Variants in KCNAB1 observed in about 807,000 individuals in gnomAD.
The protein encoded by KCNAB1 is potassium voltage-gated channel subfamily A regulatory beta subunit 1, also known as voltage-gated potassium channel subunit beta-1.
Under a neutral mutation model 64.6 loss-of-function variants are expected in KCNAB1, and 35 were observed. The ratio of observed to expected loss-of-function variants is 0.54; its 90% CI spans 0.41 to 0.72. The LOEUF (loss-of-function observed/expected upper bound fraction) is 0.72. KCNAB1 is among the 30% of genes least tolerant of loss of function. The pLI, the probability that KCNAB1 is intolerant of heterozygous loss-of-function variation, is 0.00. For missense variants in KCNAB1, 401 were observed against 512.9 expected, an observed-to-expected ratio of 0.78 and a Z score of 2.11; for synonymous variants, 177 against 183.8, an observed-to-expected ratio of 0.96 and a Z score of 0.30.
intron 1 of KCNAB1, among the ~76,000 whole-genome samples, chr3:156,156,465 A>G (rs1489521723): frequency 6.6e-6 from 1 of 152,266 alleles, no homozygotes. Flanking sequence ...AGAAGTTACC[A>G]TAATTGCCCA....
rs1023965414 is a variant in KCNAB1 at position 156,493,899 on chromosome 3, T to C, written c.658+19079T>C. On this transcript the variant is annotated intron_variant, in intron 8 of 13. Coordinates refer to ENST00000490337, the MANE Select transcript of KCNAB1 (RefSeq NM_172160.3). ...ACATCATGCTAGAGGGTGCAGAATG[T>C]CTAGTTTTCCCATTACTGAAGATGT... 4.6e-5 allele frequency among the ~76,000 whole-genome samples: 7 copies of C among 152,284 alleles called. No homozygotes were observed. The East Asian group carries it at 1.4e-3, about 29-fold the overall frequency.
chr3:156,368,145 A>C (rs1048234464), intron 1 of KCNAB1, among the ~76,000 whole-genome samples: 4 of 152,206 alleles, frequency 2.6e-5, no homozygotes, highest in African/African-American at 9.7e-5. Context: ...ACCGTGAATA[A>C]TTTTCCAGTG....
At chr3:156,419,914 G>C (rs1715353642) in intron 1 of KCNAB1, among the ~76,000 whole-genome samples, 1 of 152,068 alleles carries the variant, frequency 6.6e-6, no homozygotes, top group South Asian at 2.1e-4. Flanking sequence ...GTAGACTTTT[G>C]GACTACCAAG....
intron 1 of KCNAB1, among the ~76,000 whole-genome samples, chr3:156,278,991 G>C (rs1047345820): frequency 2.1e-4 from 32 of 151,142 alleles, no homozygotes; most frequent in African/African-American, 7.5e-4. Context: ...ATACTTTTAA[G>C]TTTTAGGGTA....
At chr3:156,177,534 G>A (rs1398866859) in intron 1 of KCNAB1, among the ~76,000 whole-genome samples, 1 of 151,956 alleles carries the variant, frequency 6.6e-6, no homozygotes, top group Non-Finnish European at 1.5e-5. Flanking sequence ...CCGCCACCCC[G>A]CCTGGCTAAT....
intron 1 of KCNAB1, among the ~76,000 whole-genome samples, chr3:156,148,980 T>C (rs1715225208): frequency 6.6e-6 from 1 of 152,184 alleles, no homozygotes; most frequent in Non-Finnish European, 1.5e-5. Context: ...TAAATAACTC[T>C]TCAAACGATG....
intron 7 of KCNAB1, among the ~76,000 whole-genome samples, chr3:156,474,160 T>C (rs1036111632): frequency 1.3e-5 from 2 of 152,204 alleles, no homozygotes; most frequent in Non-Finnish European, 2.9e-5. Flanking sequence ...CTATATTTTA[T>C]GTTCCTTAAA....
intron 1 of KCNAB1, among the ~76,000 whole-genome samples, chr3:156,194,111 T>G (rs1449977010): frequency 2.0e-5 from 3 of 152,042 alleles, no homozygotes; most frequent in Non-Finnish European, 4.4e-5. Context: ...TTGCTATTAG[T>G]TTTATGTTAA....
At chr3:156,386,641 C>T (rs1224527580) in intron 1 of KCNAB1, among the ~76,000 whole-genome samples, 4 of 152,132 alleles carry the variant, frequency 2.6e-5, no homozygotes, top group Admixed American at 2.0e-4. Flanking sequence ...TCCTGCCCTG[C>T]TCATGCCTGT....
chr3:156,143,569 G>GTTGTTTTTTTTTTTTTTTTTTT (rs1443482013), intron 1 of KCNAB1: 3 of 281,598 alleles, frequency 1.1e-5, no homozygotes, highest in African/African-American at 8.8e-5. Context: ...TTGCATTCTT[G>GTTGTTTTTTTTTTTTTTTTTTT]TTTTTTTTTT....
intron 2 of KCNAB1, among the ~76,000 whole-genome samples, chr3:156,444,170 C>T (rs16826170): frequency 0.027 from 4,047 of 152,214 alleles, 143 homozygotes; most frequent in South Asian, 0.11. Context: ...GCTTTGTGTG[C>T]GTCATTTGAA....
chr3:156,190,218 G>C (rs1319167928), intron 1 of KCNAB1, among the ~76,000 whole-genome samples: 1 of 152,074 alleles, frequency 6.6e-6, no homozygotes, highest in Non-Finnish European at 1.5e-5. Flanking sequence ...TGCTCCCCCA[G>C]TGCCCAGGCC....
chr3:156,191,905 ACT>A (rs1713587655), intron 1 of KCNAB1, among the ~76,000 whole-genome samples: 1 of 152,100 alleles, frequency 6.6e-6, no homozygotes, highest in South Asian at 2.1e-4. Flanking sequence ...AAGGAAAAGG[ACT>A]CTGATTCTCC....
At chr3:156,423,249 C>T (rs1299846081) in intron 2 of KCNAB1, among the ~76,000 whole-genome samples, 2 of 152,106 alleles carry the variant, frequency 1.3e-5, no homozygotes, top group Non-Finnish European at 2.9e-5. Context: ...TATTTATACA[C>T]TTATGGGGAA....
At chr3:156,439,224 A>ATTTT (rs56259743) in intron 2 of KCNAB1, among the ~76,000 whole-genome samples, 2 of 115,116 alleles carry the variant, frequency 1.7e-5, no homozygotes, top group Non-Finnish European at 3.5e-5. Flanking sequence ...CATCATTGTG[A>ATTTT]TTTTTTTTTT....
chr3:156,166,836 AT>A (rs1313167432), intron 1 of KCNAB1, among the ~76,000 whole-genome samples: 1 of 152,190 alleles, frequency 6.6e-6, no homozygotes, highest in Admixed American at 6.5e-5. Context: ...TTCTAATAAA[AT>A]TCTCCTAGAT....
chr3:156,413,534 A>G (rs1714831221), intron 1 of KCNAB1, among the ~76,000 whole-genome samples: 1 of 152,188 alleles, frequency 6.6e-6, no homozygotes, highest in Admixed American at 6.5e-5. Context: ...TATTATCCCC[A>G]TGTAACAGAT....
At chr3:156,128,917 C>G (rs1199423310) in intron 1 of KCNAB1, among the ~76,000 whole-genome samples, 1 of 152,212 alleles carries the variant, frequency 6.6e-6, no homozygotes, top group Non-Finnish European at 1.5e-5. Context: ...AAAACATTCA[C>G]TAACTGTAAG....
At chr3:156,380,545 A>C (rs534962736) in intron 1 of KCNAB1, among the ~76,000 whole-genome samples, 3 of 152,164 alleles carry the variant, frequency 2.0e-5, no homozygotes, top group Admixed American at 2.0e-4. Flanking sequence ...TAGAGCACTT[A>C]TCAGGTAGAT....
Sources: allele counts gnomAD v4.1 joint callset (sites outside exome capture counted in the v4.1 genomes callset), GRCh38; gene constraint gnomAD v4.1.1; transcripts MANE v1.5; gene names NCBI Gene and HGNC (gene_info 2026-07-23, HGNC 2026-07-21).